The following TET2 variants were observed in gnomAD, a reference collection of about 807,000 sequenced individuals.
TET2 encodes the protein methylcytosine dioxygenase TET2.
A neutral mutation model predicts 142.9 loss-of-function variants in TET2; 299 were observed. The ratio of observed to expected loss-of-function variants is 2.09; its 90% CI spans 1.90 to 2.30. TET2 has a LOEUF of 2.30. Among genes scored for constraint, TET2 ranks in the 30% most tolerant of loss-of-function variants. The probability of loss-of-function intolerance (pLI) is 0.00; values close to 1 mark genes in which losing one functional copy is unlikely to be tolerated. For synonymous variants in TET2, 819 were observed against 849.0 expected, an observed-to-expected ratio of 0.96 and a Z score of 0.61; for missense variants, 2,418 against 2,378.0, an observed-to-expected ratio of 1.02 and a Z score of -0.35.
chr4:105,248,437 A>G (rs552204482), intron 6 of TET2, among the ~76,000 whole-genome samples: 3 of 152,296 alleles, frequency 2.0e-5, no homozygotes, highest in Non-Finnish European at 4.4e-5. Flanking sequence ...TCAAAGGTTA[A>G]GAATTTTTGC....
At chr4:105,240,946 T>A in intron 3 of TET2, 1 of 1,082,192 alleles carries the variant, frequency 9.2e-7, no homozygotes, top group Non-Finnish European at 1.1e-6. Context: ...TTTAATCTTT[T>A]AAAATCCAAG....
In TET2 at chr4:105,275,217, C is replaced by A. The variant is rs376011145; in HGVS notation, c.4707C>A (p.Tyr1569Ter). 6.4e-7 allele frequency: 1 copy of A among 1,552,370 alleles called. No homozygotes were observed. Among genetic ancestry groups the A allele is most frequent in the Non-Finnish European group, 8.7e-7 (1 of 1,147,118 alleles). ...SYSASGSTNP[Y>*]MRRPNPVSPY... ...CTGCTTCTGGATCCACCAATCCATA[C>A]ATGAGACGGCCCAATCCAGTTAGTC... The change falls in exon 11 of 11, where the codon TAC (tyrosine) becomes TAA (stop). Residue 1569 changes from tyrosine to a stop codon, truncating the protein, a stop_gained. Transcript: ENST00000380013. LOFTEE classifies it low-confidence loss of function (END_TRUNC).
chr4:105,225,185 C>CGTGTGTGTGTGTGT (rs79864807), intron 2 of TET2, among the ~76,000 whole-genome samples: 50,214 of 146,968 alleles, frequency 0.34, 8,946 homozygotes, highest in Non-Finnish European at 0.4. Context: ...AGTAAAAAAT[C>CGTGTGTGTGTGTGT]GTGTGTGTGT....
At chr4:105,199,510 C>A (rs1312700554) in intron 2 of TET2, among the ~76,000 whole-genome samples, 1 of 152,118 alleles carries the variant, frequency 6.6e-6, no homozygotes, top group Non-Finnish European at 1.5e-5. Flanking sequence ...TTATGGAAAT[C>A]TTTTTCCATA....
In TET2 at chr4:105,275,146, C is replaced by CG; in HGVS notation, c.4636_4637insG (p.Gln1546ArgfsTer32). The CG allele has an allele frequency of 6.4e-7, 1 of 1,552,000 alleles. No individual in the cohort carries two copies. The highest frequency in any genetic ancestry group is 8.7e-7 in the Non-Finnish European group (1 of 1,147,018). Reference sequence around the variant, plus strand: ...GCCCCAGCAGCAGCAGAGACCCCAGCAGCAGCAGCCACATCACCCTCAGAC... The same window carrying CG: ...GCCCCAGCAGCAGCAGAGACCCCAGCGAGCAGCAGCCACATCACCCTCAGAC... On this transcript the variant is annotated frameshift_variant, in exon 11 of 11. Coordinates refer to ENST00000380013, the MANE Select transcript of TET2 (RefSeq NM_001127208.3). LOFTEE classifies it low-confidence loss of function (END_TRUNC).
intron 1 of TET2, among the ~76,000 whole-genome samples, chr4:105,149,017 GA>G (rs1367114432): frequency 6.6e-6 from 1 of 152,160 alleles, no homozygotes; most frequent in African/African-American, 2.4e-5. Context: ...CTGTGGAATA[GA>G]AACGGTTCAT....
chr4:105,270,448 A>G (rs1730896064), intron 9 of TET2, among the ~76,000 whole-genome samples: 1 of 152,220 alleles, frequency 6.6e-6, no homozygotes, highest in Non-Finnish European at 1.5e-5. Flanking sequence ...GATTGTAATC[A>G]GTTAAGCAAA....
At chr4:105,222,539 T>G (rs909597968) in intron 2 of TET2, among the ~76,000 whole-genome samples, 1 of 152,284 alleles carries the variant, frequency 6.6e-6, no homozygotes, top group African/African-American at 2.4e-5. Context: ...GTTCATGTGC[T>G]TCGCCCACTT....
chr4:105,250,829 G>A (rs183083482), intron 6 of TET2, among the ~76,000 whole-genome samples: 204 of 151,986 alleles, frequency 1.3e-3, no homozygotes, highest in African/African-American at 4.8e-3. Flanking sequence ...ACAGGTGCGC[G>A]CCACCATGCC....
Position 105,211,454 on chromosome 4 carries a change from T to C in TET2, c.-47+20949T>C, listed in dbSNP as rs1474679081. Among the ~76,000 whole-genome samples the C allele has an allele frequency of 2.0e-5, 3 of 152,196 alleles. No individual in the cohort carries two copies. The East Asian group carries it at 5.8e-4, about 29-fold the overall frequency. On this transcript the variant is annotated intron_variant, in intron 2 of 10. Transcript: ENST00000380013. ...AAATAAATAAATAGATGAAAGAATG[T>C]TGAAGAGAAGAGGGTCCAGTCCAGC...
intron 2 of TET2, among the ~76,000 whole-genome samples, chr4:105,215,487 A>G (rs1183293755): frequency 1.3e-5 from 2 of 152,214 alleles, no homozygotes; most frequent in African/African-American, 2.4e-5. Context: ...TTTAAAATTT[A>G]AATTAGAGAT....
At chr4:105,196,004 C>A (rs538569780) in intron 2 of TET2, among the ~76,000 whole-genome samples, 1 of 152,140 alleles carries the variant, frequency 6.6e-6, no homozygotes, top group Admixed American at 6.6e-5. Flanking sequence ...CAGCTTGCTT[C>A]CTATTGCATT....
At chr4:105,249,613 T>C (rs1414712418) in intron 6 of TET2, among the ~76,000 whole-genome samples, 1 of 152,216 alleles carries the variant, frequency 6.6e-6, no homozygotes, top group African/African-American at 2.4e-5. Context: ...GAAAATGTTA[T>C]TGTCTTTTTA....
In TET2 at chr4:105,269,752, G is replaced by T; in HGVS notation, c.4182+5G>T. 2.6e-6 allele frequency: 4 copies of T among 1,551,528 alleles called. No individual in the cohort carries two copies. The highest frequency in any genetic ancestry group is 3.5e-6 in the Non-Finnish European group (4 of 1,146,880). ...ATGCAGAATGGCAGCACATTGGTAA[G>T]TTGGGCTGAGGACAGCTTAGCAGCT... On this transcript the variant is annotated splice_donor_5th_base_variant and intron_variant, in intron 9 of 10. Coordinates refer to ENST00000380013, the MANE Select transcript of TET2 (RefSeq NM_001127208.3).
In TET2 at chr4:105,158,929, C is replaced by T. The variant is rs115058972; in HGVS notation, c.-193+11950C>T. 5.8e-4 allele frequency among the ~76,000 whole-genome samples: 89 copies of T among 152,204 alleles called. 6 individuals are homozygous for T. In the South Asian group the frequency reaches 0.017, roughly 30 times the overall value. On this transcript the variant is annotated intron_variant, in intron 1 of 10. Coordinates refer to ENST00000380013, the MANE Select transcript of TET2 (RefSeq NM_001127208.3). ...TAGGCTTCTCTTTGGAAATTGTAGACGCTTTCTCTCCTTCCAGTTACACGC... is the reference window on the plus strand; with the variant it reads ...TAGGCTTCTCTTTGGAAATTGTAGATGCTTTCTCTCCTTCCAGTTACACGC...
intron 1 of TET2, among the ~76,000 whole-genome samples, chr4:105,166,713 T>G (rs534593060): frequency 3.3e-5 from 5 of 152,116 alleles, no homozygotes; most frequent in Admixed American, 1.3e-4. Flanking sequence ...CATAAATTAT[T>G]GTGATTAGAA....
intron 2 of TET2, 61 bp downstream of exon 2, chr4:105,190,566 G>A (rs570921393): frequency 1.2e-5 from 8 of 681,840 alleles, no homozygotes; most frequent in African/African-American, 7.1e-5. Context: ...CTAATGTAAT[G>A]GTAATCTCTC....
At chr4:105,216,400 CTT>C (rs1727496051) in intron 2 of TET2, among the ~76,000 whole-genome samples, 1 of 151,884 alleles carries the variant, frequency 6.6e-6, no homozygotes, top group Admixed American at 6.6e-5. Flanking sequence ...CTGAAATGCT[CTT>C]TTTCTTCATC....
In TET2 at chr4:105,229,304, A is replaced by G. The variant is rs374502629; in HGVS notation, c.-46-4593A>G. Among the ~76,000 whole-genome samples the G allele has an allele frequency of 2.4e-4, 36 of 152,302 alleles. No individual in the cohort carries two copies. In the East Asian group the frequency reaches 4.8e-3, roughly 20 times the overall value. The stretch of plus-strand genomic sequence containing the variant: ...AAACATCACTTTGTTTTCTTTGTCC[A>G]ATATGAGTTATAACTTTATTTTTTT... On this transcript the variant is annotated intron_variant, in intron 2 of 10. Transcript: ENST00000380013.
Sources: gnomAD v4.1 joint callset for allele counts (sites outside exome capture counted in the v4.1 genomes callset) on GRCh38, gnomAD v4.1.1 for gene constraint, MANE v1.5 for transcripts, NCBI Gene and HGNC (gene_info 2026-07-23, HGNC 2026-07-21) for gene names.